AFF3: variants seen among roughly 807,000 people sequenced by gnomAD.
The protein encoded by AFF3 is ALF transcription elongation factor 3, also known as AF4/FMR2 family member 3.
Under a neutral mutation model 129.7 loss-of-function variants are expected in AFF3, and 32 were observed. The ratio of observed to expected loss-of-function variants is 0.25; its 90% CI spans 0.19 to 0.33. The LOEUF is 0.33. Among genes scored for constraint, AFF3 ranks in the 10% least tolerant of loss-of-function variants. The probability of loss-of-function intolerance (pLI) is 1.00; values close to 1 mark genes in which losing one functional copy is unlikely to be tolerated. For synonymous variants in AFF3, 644 were observed against 635.4 expected, an observed-to-expected ratio of 1.01 and a Z score of -0.20; for missense variants, 1,373 against 1,592.0, an observed-to-expected ratio of 0.86 and a Z score of 2.34.
At chr2:100,033,931 C>T (rs1475373668) in intron 4 of AFF3, among the ~76,000 whole-genome samples, 1 of 152,172 alleles carries the variant, frequency 6.6e-6, no homozygotes, top group Non-Finnish European at 1.5e-5. Context: ...TCCACTGCTA[C>T]ACCACAGTAC....
At chr2:99,827,645 A>G (rs967143306) in intron 8 of AFF3, among the ~76,000 whole-genome samples, 1 of 150,670 alleles carries the variant, frequency 6.6e-6, no homozygotes, top group Non-Finnish European at 1.5e-5. Flanking sequence ...CACTGAAGAT[A>G]TATATATATA....
intron 4 of AFF3, among the ~76,000 whole-genome samples, chr2:100,043,898 G>A (rs1017396829): frequency 1.3e-5 from 2 of 152,200 alleles, no homozygotes; most frequent in Non-Finnish European, 1.5e-5. Flanking sequence ...TGCATATGAA[G>A]CTCCTCGTGG....
intron 11 of AFF3, among the ~76,000 whole-genome samples, chr2:99,716,352 G>C (rs1288567378): frequency 6.6e-6 from 1 of 152,144 alleles, no homozygotes; most frequent in Non-Finnish European, 1.5e-5. Flanking sequence ...CAGTGGTTAA[G>C]AGCTTGGCTT....
chr2:99,684,266 C>G (rs970670491), intron 11 of AFF3, among the ~76,000 whole-genome samples: 1 of 152,340 alleles, frequency 6.6e-6, no homozygotes, highest in South Asian at 2.1e-4. Flanking sequence ...GGAATTTTAA[C>G]AACCTTATCC....
At chr2:100,072,671 C>A (rs1049798890) in intron 4 of AFF3, among the ~76,000 whole-genome samples, 1 of 152,180 alleles carries the variant, frequency 6.6e-6, no homozygotes, top group Non-Finnish European at 1.5e-5. Context: ...TCTGCAGTCA[C>A]ACCAAGAGCT....
Position 99,626,067 on chromosome 2 carries a change from T to C in AFF3, c.1184+23559A>G, listed in dbSNP as rs543890446. 1.4e-4 allele frequency among the ~76,000 whole-genome samples: 22 copies of C among 152,332 alleles called. No individual in the cohort carries two copies. In the East Asian group the frequency reaches 4.2e-3, roughly 29 times the overall value. ...GGGTCTTCAGTTCATCTGAGCTAGC[T>C]GAGTGCCACCCATCGGAAGCTGCTG... On this transcript the variant is annotated intron_variant, in intron 13 of 24. Coordinates refer to ENST00000672756, the MANE Select transcript of AFF3 (RefSeq NM_001386135.1).
chr2:100,119,311 A>C (rs1358931152), intron 2 of AFF3, among the ~76,000 whole-genome samples: 1 of 152,188 alleles, frequency 6.6e-6, no homozygotes, highest in Non-Finnish European at 1.5e-5. Flanking sequence ...GCCCTACTTT[A>C]AGCCACTTGT....
intron 9 of AFF3, among the ~76,000 whole-genome samples, chr2:99,747,697 G>C (rs1681282308): frequency 6.6e-6 from 1 of 152,156 alleles, no homozygotes; most frequent in African/African-American, 2.4e-5. Context: ...GGAGTGAAGA[G>C]AGACTTCAAA....
chr2:99,608,570 T>C (rs535403682), intron 13 of AFF3, among the ~76,000 whole-genome samples: 1 of 152,232 alleles, frequency 6.6e-6, no homozygotes, highest in East Asian at 1.9e-4. Flanking sequence ...GAGTGAAGTG[T>C]TCAGGTATAA....
At chr2:100,044,696 T>C (rs1685695464) in intron 4 of AFF3, among the ~76,000 whole-genome samples, 2 of 151,986 alleles carry the variant, frequency 1.3e-5, no homozygotes, top group Admixed American at 1.3e-4. Context: ...ACTAAACATA[T>C]CAAAGGCCCC....
At chr2:100,018,394 T>A (rs1036655809) in intron 4 of AFF3, among the ~76,000 whole-genome samples, 2 of 152,132 alleles carry the variant, frequency 1.3e-5, no homozygotes, top group African/African-American at 4.8e-5. Flanking sequence ...CTGTTTCAAA[T>A]CTCTCTCGTA....
At chr2:99,799,087 A>G (rs991865489) in intron 8 of AFF3, among the ~76,000 whole-genome samples, 3 of 152,058 alleles carry the variant, frequency 2.0e-5, no homozygotes, top group Non-Finnish European at 4.4e-5. Context: ...AGTAAATATA[A>G]CCTGAAATTT....
At chr2:99,876,426 A>C (rs184723188) in intron 7 of AFF3, among the ~76,000 whole-genome samples, 11 of 152,102 alleles carry the variant, frequency 7.2e-5, no homozygotes, top group Non-Finnish European at 8.8e-5. Flanking sequence ...TCTCACATTC[A>C]CTTCATCAGT....
intron 13 of AFF3, among the ~76,000 whole-genome samples, chr2:99,633,141 G>A (rs1175979783): frequency 1.3e-5 from 2 of 152,104 alleles, no homozygotes; most frequent in Non-Finnish European, 1.5e-5. Flanking sequence ...AGAGGCGGAC[G>A]GGTGACTATT....
chr2:99,831,528 A>G (rs1255753523), intron 8 of AFF3, among the ~76,000 whole-genome samples: 1 of 152,192 alleles, frequency 6.6e-6, no homozygotes, highest in Non-Finnish European at 1.5e-5. Context: ...GAATTTACAC[A>G]TTTGAAGGTA....
chr2:99,672,015 T>TG (rs1687183676), intron 12 of AFF3, among the ~76,000 whole-genome samples: 6 of 152,166 alleles, frequency 3.9e-5, no homozygotes, highest in Non-Finnish European at 8.8e-5. Context: ...ATACTGAGCA[T>TG]AATTACTTTT....
At chr2:100,140,952 T>C (rs1692844761) in intron 1 of AFF3, among the ~76,000 whole-genome samples, 1 of 151,778 alleles carries the variant, frequency 6.6e-6, no homozygotes, top group African/African-American at 2.4e-5. Context: ...CCCTTCAAGT[T>C]TGATGGCTTA....
intron 11 of AFF3, among the ~76,000 whole-genome samples, chr2:99,701,000 C>A (rs1676799174): frequency 6.6e-6 from 1 of 152,200 alleles, no homozygotes; most frequent in Admixed American, 6.5e-5. Flanking sequence ...ACACTCCACA[C>A]TCATACTGAA....
chr2:99,646,094 C>T lies in AFF3; in HGVS notation c.1184+3532G>A, dbSNP rs568229233. Among the ~76,000 whole-genome samples the T allele has an allele frequency of 5.9e-5, 9 of 152,316 alleles. No individual in the cohort carries two copies. In the South Asian group the frequency reaches 8.3e-4, roughly 14 times the overall value. On this transcript the variant is annotated intron_variant, in intron 13 of 24. Coordinates refer to ENST00000672756, the MANE Select transcript of AFF3 (RefSeq NM_001386135.1). Reference sequence around the variant, plus strand: ...ACAGATAACAAAAACTGGCTTCCTACAGTGTAAACTCATGTCCTTCCACCA... The same window carrying T: ...ACAGATAACAAAAACTGGCTTCCTATAGTGTAAACTCATGTCCTTCCACCA...
Sources: allele counts gnomAD v4.1 joint callset (sites outside exome capture counted in the v4.1 genomes callset), GRCh38; gene constraint gnomAD v4.1.1; transcripts MANE v1.5; gene names NCBI Gene and HGNC (gene_info 2026-07-23, HGNC 2026-07-21).